The following PHF24 variants were observed in gnomAD, a reference collection of about 807,000 sequenced individuals.
PHF24 encodes Galpha inhibitory interacting protein.
PHF24 carries 25 observed loss-of-function variants against 42.6 expected under a neutral mutation model. The ratio of observed to expected loss-of-function variants is 0.59; its 90% CI spans 0.43 to 0.82. The LOEUF (loss-of-function observed/expected upper bound fraction) is 0.82. PHF24 is among the 40% of genes least tolerant of loss of function. The pLI, the probability that PHF24 is intolerant of heterozygous loss-of-function variation, is 0.00. For missense variants in PHF24, 470 were observed against 538.1 expected (o/e 0.87, Z 1.25); for synonymous variants, 185 against 204.8 (o/e 0.90, Z 0.83).
chr9:34,868,028 G>A, the PHF24 span, among the ~76,000 whole-genome samples: 1 of 152,114 alleles, frequency 6.6e-6, no homozygotes, highest in African/African-American at 2.4e-5. Flanking sequence ...AATCATTGTG[G>A]TTGCGGAAAC....
chr9:34,886,834 G>GTATGTATCTATCTATC, the PHF24 span, among the ~76,000 whole-genome samples: 1 of 148,812 alleles, frequency 6.7e-6, no homozygotes, highest in Non-Finnish European at 1.5e-5. Flanking sequence ...ATGTATCTAT[G>GTATGTATCTATCTATC]TATCTATCTA....
At chr9:34,897,000 C>CA in the PHF24 span, among the ~76,000 whole-genome samples, 3 of 151,928 alleles carry the variant, frequency 2.0e-5, no homozygotes, top group Non-Finnish European at 2.9e-5. Context: ...ACTAAAAATA[C>CA]AAAAAATTAG....
At chr9:34,770,428 A>G in the PHF24 span, among the ~76,000 whole-genome samples, 3 of 152,202 alleles carry the variant, frequency 2.0e-5, no homozygotes. Flanking sequence ...AGAGTGCAAA[A>G]TAGTACAATT....
the PHF24 span, among the ~76,000 whole-genome samples, chr9:34,701,245 G>C: frequency 2.0e-5 from 3 of 152,176 alleles, no homozygotes; most frequent in Admixed American, 2.0e-4. The surrounding 1 kb of genome is among the most constrained non-coding windows in gnomAD (Gnocchi z 5.8). Flanking sequence ...CATTGGGGCA[G>C]GGGAGTCAAC....
chr9:34,794,407 A>C, the PHF24 span, among the ~76,000 whole-genome samples: 24 of 152,318 alleles, frequency 1.6e-4, no homozygotes, highest in Admixed American at 3.9e-4. Flanking sequence ...TAATACTCAA[A>C]ATGTCTGGGA....
At chr9:34,807,385 G>A in the PHF24 span, among the ~76,000 whole-genome samples, 3 of 152,232 alleles carry the variant, frequency 2.0e-5, no homozygotes, top group South Asian at 6.2e-4. Flanking sequence ...AGTAAAGTAG[G>A]GATGCAGTAA....
the PHF24 span, chr9:34,724,626 C>T: frequency 6.5e-7 from 1 of 1,531,194 alleles, no homozygotes; most frequent in East Asian, 2.5e-5. Flanking sequence ...GTCTGGCTTT[C>T]TAGAGGCAGC....
chr9:34,864,518 A>C, the PHF24 span, among the ~76,000 whole-genome samples: 1 of 152,190 alleles, frequency 6.6e-6, no homozygotes. Context: ...GGAAAAAAAA[A>C]ACTTTTACCC....
chr9:34,669,597 G>A, the PHF24 span, among the ~76,000 whole-genome samples: 1 of 151,458 alleles, frequency 6.6e-6, no homozygotes, highest in Non-Finnish European at 1.5e-5. Flanking sequence ...TCATGAGGGC[G>A]AGGGAGTCCT....
At chr9:34,684,917 C>A in the PHF24 span, among the ~76,000 whole-genome samples, 2 of 152,116 alleles carry the variant, frequency 1.3e-5, no homozygotes, top group African/African-American at 4.8e-5. Flanking sequence ...ACGGGGAAGA[C>A]CCAAAGGCCC....
chr9:34,972,528 C>T, exon 3 of PHF24: 1 of 1,606,478 alleles, frequency 6.2e-7, no homozygotes, highest in Admixed American at 1.7e-5. Flanking sequence ...GCTGCCACTA[C>T]TGTGTAAGTC....
chr9:34,950,670 A>G, the PHF24 span, among the ~76,000 whole-genome samples: 42 of 152,280 alleles, frequency 2.8e-4, 1 homozygote, highest in Admixed American at 2.4e-3. Flanking sequence ...GTACCCTTTA[A>G]AAAGGTGAAT....
the PHF24 span, among the ~76,000 whole-genome samples, chr9:34,668,609 A>C: frequency 6.6e-6 from 1 of 152,230 alleles, no homozygotes; most frequent in African/African-American, 2.4e-5. Flanking sequence ...TCATTCAACC[A>C]AGGGGAAAGT....
At chr9:34,782,270 T>C in the PHF24 span, among the ~76,000 whole-genome samples, 1 of 152,086 alleles carries the variant, frequency 6.6e-6, no homozygotes, top group Non-Finnish European at 1.5e-5. Context: ...TTGGGGTAAG[T>C]AGGGTAGAGG....
chr9:34,725,710 A>G, the PHF24 span: 2 of 1,544,432 alleles, frequency 1.3e-6, no homozygotes, highest in Admixed American at 3.9e-5. Flanking sequence ...GAAATGGGAC[A>G]TTGATCTGAG....
At chr9:34,805,169 T>C in the PHF24 span, among the ~76,000 whole-genome samples, 1 of 152,242 alleles carries the variant, frequency 6.6e-6, no homozygotes, top group East Asian at 1.9e-4. Flanking sequence ...GCCATGAGCA[T>C]TCATGTAAAA....
chr9:34,872,193 ATTTT>A, the PHF24 span, among the ~76,000 whole-genome samples: 3 of 98,016 alleles, frequency 3.1e-5, no homozygotes, highest in South Asian at 1.3e-3. Flanking sequence ...TATTTTTATT[ATTTT>A]TTTATTTTTT....
the PHF24 span, among the ~76,000 whole-genome samples, chr9:34,736,404 T>G: frequency 6.6e-6 from 1 of 152,150 alleles, no homozygotes; most frequent in African/African-American, 2.4e-5. Context: ...CCTCTCAGCC[T>G]CAAGAGACCC....
the PHF24 span, among the ~76,000 whole-genome samples, chr9:34,667,763 G>C: frequency 6.6e-6 from 1 of 152,196 alleles, no homozygotes; most frequent in Non-Finnish European, 1.5e-5. Flanking sequence ...CTGGTCTAGA[G>C]GCTGCCTTTC....
Sources: allele counts gnomAD v4.1 joint callset (sites outside exome capture counted in the v4.1 genomes callset), GRCh38; gene constraint gnomAD v4.1.1; non-coding constraint Gnocchi (gnomAD v3.1); transcripts MANE v1.5; gene names NCBI Gene and HGNC (gene_info 2026-07-23, HGNC 2026-07-21).